The following BAP1 variants were observed in gnomAD, a reference collection of about 807,000 sequenced individuals.
BAP1 encodes the protein BRCA1 associated deubiquitinase 1, also known as ubiquitin carboxyl-terminal hydrolase BAP1.
In BAP1, 16 loss-of-function variants were observed where a neutral mutation model predicts 77.2. The observed-to-expected ratio is 0.21, with a 90% CI of 0.14 to 0.31. BAP1 has a LOEUF of 0.31. BAP1 is among the 10% of genes least tolerant of loss of function. The pLI is 1.00. For synonymous variants in BAP1, 362 were observed against 385.2 expected (o/e 0.94, Z 0.71); for missense variants, 699 against 967.3 (o/e 0.72, Z 3.68).
At chr3:52,404,685 C>G in intron 11 of BAP1, 99 bp from the exon 12 acceptor site, 1 of 1,519,898 alleles carries the variant, frequency 6.6e-7, no homozygotes, top group Non-Finnish European at 8.8e-7. Context: ...GTTTTCCAGA[C>G]TGAGTCAGCG....
rs754217069 is a variant in BAP1, at chr3:52,405,168, A to G, written c.1058T>C (p.Ile353Thr). 5.0e-6 allele frequency: 8 copies of G among 1,614,012 alleles called. No homozygotes were observed. The highest frequency in any genetic ancestry group is 3.3e-5 in the Admixed American group (2 of 60,000). The change falls in exon 11 of 17, where the codon ATT becomes ACT. Residue 353 changes from isoleucine to threonine, a missense_variant. Physicochemically the swap from Ile to Thr is moderately conservative, Grantham distance 89. This residue lies in a region of BAP1 where 475 missense variants were observed against 532.4 expected (regional missense o/e 0.89). Transcript: ENST00000460680. ...LNGVHPNPTP[I>T]VQRLPAFLDN... ...TAGAAAGGCCGGCAGCCGCTGGACAATGGGAGTGGGGTTGGGGTGAACCCC... is the reference window on the plus strand; with the variant it reads ...TAGAAAGGCCGGCAGCCGCTGGACAGTGGGAGTGGGGTTGGGGTGAACCCC...
chr3:52,402,925 C>T lies in BAP1; in HGVS notation c.1891-54G>A, dbSNP rs1559585578. Reference sequence around the variant, plus strand: ...TCGGGGCGGGCCAGCAACAAAGCCCCACGAGCAATAGGCAGCTAGAGGCAA... The same window carrying T: ...TCGGGGCGGGCCAGCAACAAAGCCCTACGAGCAATAGGCAGCTAGAGGCAA... On this transcript the variant is annotated intron_variant, in intron 14 of 16. Transcript: ENST00000460680. This position sits in a 1 kb window ranked among gnomAD's most constrained non-coding sequence, Gnocchi z 5.3. 6.2e-7 allele frequency: 1 copy of T among 1,612,948 alleles called. No homozygotes were observed. Among genetic ancestry groups the T allele is most frequent in the Admixed American group, 1.7e-5 (1 of 60,030 alleles).
chr3:52,403,590 G>C lies in BAP1; in HGVS notation c.1555C>G (p.Pro519Ala), dbSNP rs759622893. The change falls in exon 13 of 17, where the codon CCC becomes GCC. Residue 519 changes from proline to alanine, a missense_variant. By Grantham distance (27) the Pro-to-Ala change is conservative. Transcript: ENST00000460680. This position sits in a 1 kb window ranked among gnomAD's most constrained non-coding sequence, Gnocchi z 4.0. ...ATGTGGGAGGTGACAGGGCTGGAGG[G>C]CCGCGTCGGGTTGGCTGAGCGGATA... Reference protein sequence around the residue: ...SPIRSANPTRPSSPVTSHISK... With the variant: ...SPIRSANPTRASSPVTSHISK... The C allele has an allele frequency of 1.9e-6, 3 of 1,614,194 alleles. No individual in the cohort carries two copies. The highest frequency in any genetic ancestry group is 2.5e-6 in the Non-Finnish European group (3 of 1,180,028).
chr3:52,404,634 G>A (rs2153226908), intron 11 of BAP1, 48 bp from the exon 12 acceptor site: 1 of 1,587,850 alleles, frequency 6.3e-7, no homozygotes, highest in African/African-American at 1.3e-5. Context: ...CTCGGCCCAG[G>A]CTGAGCCTAG....
At chr3:52,408,887 G>A (rs2153228423) in intron 3 of BAP1, among the ~76,000 whole-genome samples, 1 of 152,362 alleles carries the variant, frequency 6.6e-6, no homozygotes, top group South Asian at 2.1e-4. Context: ...GGTAAGAGAA[G>A]AAAAGCTGGA....
Position 52,403,636 on chromosome 3 carries a change from G to C in BAP1, c.1509C>G (p.Phe503Leu). 1 of 1,613,962 alleles carries C rather than the reference G, an allele frequency of 6.2e-7. No individual in the cohort carries two copies. The highest frequency in any genetic ancestry group is 8.5e-7 in the Non-Finnish European group (1 of 1,179,854). Residue 503 changes from phenylalanine to leucine, a missense_variant, in exon 13 of 17, where the codon TTC becomes TTG. Phe to Leu is a conservative substitution (Grantham distance 22, BLOSUM62 0). Transcript: ENST00000460680. The surrounding 1 kb of genome is among the most constrained non-coding windows in gnomAD (Gnocchi z 4.0). ...GGATAGGCGAGCGCAGTGGCGAGTT[G>C]AAAGCACTGCCGATCTCAGAGGCCG... ...TDTASEIGSAFNSPLRSPIRS... is the reference protein window; with the variant it reads ...TDTASEIGSALNSPLRSPIRS...
At position 52,409,543 on chromosome 3, in the gene BAP1, C is replaced by T. The variant is rs2153228502; in HGVS notation, c.122+11G>A. 2.5e-6 allele frequency: 4 copies of T among 1,614,188 alleles called. No homozygotes were observed. Among genetic ancestry groups the T allele is most frequent in the Non-Finnish European group, 3.4e-6 (4 of 1,180,012 alleles). ...GGGTGTAAGGGGCAGCCCTGGTGTA[C>T]AGCCACTCACCCCTGACATTTGCTC... On this transcript the variant is annotated intron_variant, in intron 3 of 16. Transcript: ENST00000460680.
At position 52,402,446 on chromosome 3, in the gene BAP1, GCAGGTGCTGGCTGCCTCAGGC is replaced by G; in HGVS notation, c.2057-46_2057-26del. The G allele has an allele frequency of 6.4e-7, 1 of 1,571,962 alleles. No homozygotes were observed. The highest frequency in any genetic ancestry group is 8.6e-7 in the Non-Finnish European group (1 of 1,159,346). On this transcript the variant is annotated intron_variant, in intron 16 of 16. Coordinates refer to ENST00000460680, the MANE Select transcript of BAP1 (RefSeq NM_004656.4). The surrounding 1 kb of genome is among the most constrained non-coding windows in gnomAD (Gnocchi z 5.3). ...CCTGCGAAGAGGTAGAGACCCTTGA[GCAGGTGCTGGCTGCCTCAGGC>G]CAGGAGCTGAGGCTCTCATGGCCCT...
rs972101032 is a variant in BAP1, at chr3:52,406,762, ACT to A, written c.659+65_659+66del. 1.3e-5 allele frequency: 19 copies of A among 1,499,726 alleles called. No homozygotes were observed. The highest frequency in any genetic ancestry group is 1.2e-4 in the African/African-American group (9 of 72,030). The allele number at this position is 1,499,726 out of a possible 1,614,324, so 92.9% of individuals were successfully genotyped here. Reference sequence around the variant, plus strand: ...CTTGCAATTTACAAATCACCTGGATACTCTCTGTCCCTCCCAAAGTAGGTACA... The same window carrying A: ...CTTGCAATTTACAAATCACCTGGATACTCTGTCCCTCCCAAAGTAGGTACA... On this transcript the variant is annotated intron_variant, in intron 8 of 16. Transcript: ENST00000460680. This position sits in a 1 kb window ranked among gnomAD's most constrained non-coding sequence, Gnocchi z 4.6.
At chr3:52,405,963 A>G (rs1705144273) in intron 9 of BAP1, 51 bp from the exon 10 acceptor site, 1 of 1,611,018 alleles carries the variant, frequency 6.2e-7, no homozygotes, top group Admixed American at 1.7e-5. Flanking sequence ...CCGGGCTTCT[A>G]CCTTAAATAG....
At chr3:52,405,618 G>A in intron 10 of BAP1, 147 bp downstream of exon 10, 1 of 1,302,776 alleles carries the variant, frequency 7.7e-7, no homozygotes, top group Non-Finnish European at 1.1e-6. Context: ...TTTCTTTAGG[G>A]AAGGACTGCT....
At position 52,402,821 on chromosome 3, in the gene BAP1, C is replaced by G; in HGVS notation, c.1941G>C (p.Glu647Asp). ...KCVEAEIANYEACLKEEVEKR... is the reference protein window; with the variant it reads ...KCVEAEIANYDACLKEEVEKR... ...TCTCTACCTCCTCCTTGAGGCACGC[C>G]TCATAGTTTGCAATCTCAGCCTCCA... Residue 647 changes from glutamate to aspartate, a missense_variant, in exon 15 of 17, where the codon GAG (glutamate) becomes GAC (aspartate). This residue lies in a region of BAP1 where 475 missense variants were observed against 532.4 expected (regional missense o/e 0.89). Transcript: ENST00000460680. The surrounding 1 kb of genome is among the most constrained non-coding windows in gnomAD (Gnocchi z 5.3). 1 of 1,614,230 alleles carries G rather than the reference C, an allele frequency of 6.2e-7. No individual in the cohort carries two copies. Among genetic ancestry groups the G allele is most frequent in the Non-Finnish European group, 8.5e-7 (1 of 1,180,054 alleles).
chr3:52,403,808 T>G lies in BAP1; in HGVS notation c.1337A>C (p.Asn446Thr), dbSNP rs751399960. 6.8e-6 allele frequency: 11 copies of G among 1,613,972 alleles called. No homozygotes were observed. In the Admixed American group the frequency reaches 1.8e-4, roughly 27 times the overall value. Residue 446 changes from asparagine (N) to threonine (T), a missense_variant, in exon 13 of 17, where the codon AAC (asparagine) becomes ACC (threonine). Physicochemically the swap from Asn to Thr is moderately conservative, Grantham distance 65 (BLOSUM62 0). Around this residue, in one of 3 missense-constraint regions of BAP1, gnomAD observed 475 missense variants for 532.4 expected, o/e 0.89. Transcript: ENST00000460680. The surrounding 1 kb of genome is among the most constrained non-coding windows in gnomAD (Gnocchi z 4.0). ...CTCTTTGAGCTTCTCAGCCAAGACG[T>G]TGATGGTGTTGGGCTGCAGCACTGA... ...QLSVLQPNTI[N>T]VLAEKLKESQ...
At position 52,405,291 on chromosome 3, in the gene BAP1, C is replaced by T. The variant is rs1705114923; in HGVS notation, c.935G>A (p.Gly312Asp). 6.2e-7 allele frequency: 1 copy of T among 1,613,568 alleles called. No homozygotes were observed. Among genetic ancestry groups the T allele is most frequent in the Non-Finnish European group, 8.5e-7 (1 of 1,180,008 alleles). The stretch of plus-strand genomic sequence containing the variant: ...GCATGAACCAGCCGCCTCCTCTGCA[C>T]CATCTGAGACAGGGCAAGAACACAG... ...PAASEGNHTD[G>D]AEEAAGSCAQ... Residue 312 changes from glycine (G) to aspartate (D), a missense_variant, in exon 11 of 17, where the codon GGT (glycine) becomes GAT (aspartate). Coordinates refer to ENST00000460680, the MANE Select transcript of BAP1 (RefSeq NM_004656.4).
rs903346372 is a variant in BAP1, at chr3:52,403,527, G to A, written c.1618C>T (p.Arg540Cys). The change falls in exon 13 of 17, where the codon CGT becomes TGT. Residue 540 changes from arginine to cysteine, a missense_variant. Coordinates refer to ENST00000460680, the MANE Select transcript of BAP1 (RefSeq NM_004656.4). The surrounding 1 kb of genome is among the most constrained non-coding windows in gnomAD (Gnocchi z 4.0). ...VLFGEDDSLL[R>C]VDCIRYNRAV... ...CGGTTGTAGCGTATGCAGTCAACACGCAGCAGGCTGTCATCCTCTCCAAAA... is the reference window on the plus strand; with the variant it reads ...CGGTTGTAGCGTATGCAGTCAACACACAGCAGGCTGTCATCCTCTCCAAAA... 3.1e-6 allele frequency: 5 copies of A among 1,614,092 alleles called. No individual in the cohort carries two copies. The highest frequency in any genetic ancestry group is 4.2e-6 in the Non-Finnish European group (5 of 1,180,000).
intron 12 of BAP1, 129 bp from the exon 13 acceptor site, chr3:52,404,023 C>T: frequency 1.1e-6 from 1 of 928,250 alleles, no homozygotes; most frequent in South Asian, 1.5e-5. Flanking sequence ...TTGGTCCAAG[C>T]AACTTGAACT....
rs1219650214 is a variant in BAP1 at position 52,401,166 on chromosome 3, C to G, written c.*1122G>C. 2 of 232,832 alleles carry G rather than the reference C, an allele frequency of 8.6e-6. No individual in the cohort carries two copies. The highest frequency in any genetic ancestry group is 1.7e-5 in the Non-Finnish European group (2 of 117,868). The allele number at this position is 232,832 out of a possible 1,614,324, so 14.4% of individuals were successfully genotyped here. ...CAGATAAAGGGGCCTGCTTGGATCA[C>G]CTTTTTCAAAGCCATCTGGCAGAGG... On this transcript the variant is annotated 3_prime_UTR_variant, in exon 17 of 17. Coordinates refer to ENST00000460680, the MANE Select transcript of BAP1 (RefSeq NM_004656.4).
chr3:52,404,679 T>C (rs1473610820), intron 11 of BAP1, 93 bp from the exon 12 acceptor site: 1 of 1,532,962 alleles, frequency 6.5e-7, no homozygotes. Flanking sequence ...AACATGGTTT[T>C]CCAGACTGAG....
rs1386553235 is a variant in BAP1, at chr3:52,401,497, T to C, written c.*791A>G. On this transcript the variant is annotated 3_prime_UTR_variant, in exon 17 of 17. Transcript: ENST00000460680. The stretch of plus-strand genomic sequence containing the variant: ...AGACCTAGAGCCCAATTTAGGCCCA[T>C]AGCTAGGGCCACAACACTGAAGGCG... 2 of 233,570 alleles carry C rather than the reference T, an allele frequency of 8.6e-6. No homozygotes were observed. Among genetic ancestry groups the C allele is most frequent in the South Asian group, 1.8e-4 (1 of 5,532 alleles). 14.5% of individuals were successfully genotyped at this position (233,570 alleles called of 1,614,324 possible). A position where few individuals can be genotyped will look rare whatever the true frequency, so the allele number is the denominator to read the frequency against.
Sources: allele counts gnomAD v4.1 joint callset (sites outside exome capture counted in the v4.1 genomes callset), GRCh38; gene constraint gnomAD v4.1.1; regional missense constraint gnomAD v4.1.1; non-coding constraint Gnocchi (gnomAD v3.1); transcripts MANE v1.5; gene names NCBI Gene and HGNC (gene_info 2026-07-23, HGNC 2026-07-21).